Variants in SLC25A21 observed in about 807,000 individuals in gnomAD.
SLC25A21 encodes solute carrier family 25 member 21.
In SLC25A21, 47 loss-of-function variants were observed where a neutral mutation model predicts 43.8. The observed-to-expected ratio is 1.07, with a 90% CI of 0.85 to 1.37. The LOEUF (loss-of-function observed/expected upper bound fraction) is 1.37. Among genes scored for constraint, SLC25A21 ranks in the 40% most tolerant of loss-of-function variants. The pLI, the probability that SLC25A21 is intolerant of heterozygous loss-of-function variation, is 0.00. For missense variants in SLC25A21, 352 were observed against 350.2 expected (o/e 1.00, Z -0.04); for synonymous variants, 131 against 121.3 (o/e 1.08, Z -0.52).
At chr14:37,068,912 C>T (rs763472292) in intron 1 of SLC25A21, among the ~76,000 whole-genome samples, 2 of 152,142 alleles carry the variant, frequency 1.3e-5, no homozygotes, top group Non-Finnish European at 2.9e-5. Context: ...CGGTGGCTCA[C>T]GCCTGTAATC....
chr14:36,700,015 C>A (rs1216851714), intron 7 of SLC25A21, among the ~76,000 whole-genome samples: 1 of 152,128 alleles, frequency 6.6e-6, no homozygotes, highest in Non-Finnish European at 1.5e-5. Flanking sequence ...GCAGAAATCA[C>A]CCGTCTTCTG....
intron 1 of SLC25A21, among the ~76,000 whole-genome samples, chr14:37,134,092 A>T (rs944618819): frequency 1.3e-5 from 2 of 152,202 alleles, no homozygotes; most frequent in African/African-American, 4.8e-5. Context: ...AAAAGCTATA[A>T]ACTATGAAAA....
intron 3 of SLC25A21, among the ~76,000 whole-genome samples, chr14:36,734,964 C>G (rs965885837): frequency 2.0e-5 from 3 of 152,148 alleles, no homozygotes; most frequent in Non-Finnish European, 4.4e-5. Context: ...TACCTGAACC[C>G]ATTAGACTGT....
chr14:36,792,624 A>C (rs780501732), intron 3 of SLC25A21, among the ~76,000 whole-genome samples: 6 of 152,210 alleles, frequency 3.9e-5, no homozygotes, highest in Non-Finnish European at 5.9e-5. Flanking sequence ...GACTCCCTGA[A>C]AAATCTCAAA....
rs140134803 is a variant in SLC25A21 at position 36,903,346 on chromosome 14, G to A, written c.71-28342C>T. 3.2e-3 allele frequency among the ~76,000 whole-genome samples: 489 copies of A among 152,126 alleles called. 4 individuals carry two copies. The highest frequency in any genetic ancestry group is 0.011 in the African/African-American group (459 of 41,518). On this transcript the variant is annotated intron_variant, in intron 1 of 9. Coordinates refer to ENST00000331299, the MANE Select transcript of SLC25A21 (RefSeq NM_030631.4). ...ATGTGTTTTGTTCAGTTCACATAGT[G>A]TTCTTTTAAAAATAAATTGCTTTGG...
chr14:36,928,353 G>T (rs1413548948), intron 1 of SLC25A21, among the ~76,000 whole-genome samples: 3 of 152,010 alleles, frequency 2.0e-5, no homozygotes, highest in Admixed American at 6.6e-5. Flanking sequence ...AATAAAATGT[G>T]GTTAATTTGA....
intron 1 of SLC25A21, among the ~76,000 whole-genome samples, chr14:36,884,696 T>A (rs1337451666): frequency 6.6e-6 from 1 of 152,190 alleles, no homozygotes; most frequent in Non-Finnish European, 1.5e-5. Context: ...GATATCTCAT[T>A]GCGGTTTTAA....
rs191112848 is a variant in SLC25A21 at position 36,897,272 on chromosome 14, G to A, written c.71-22268C>T. 8.2e-3 allele frequency among the ~76,000 whole-genome samples: 1,246 copies of A among 151,842 alleles called. 16 individuals are homozygous for A. The highest frequency in any genetic ancestry group is 0.028 in the African/African-American group (1,152 of 41,382). ...CTTTTTTCTCTAAACTTCTCTTCTC[G>A]CTTCTTTTCATTCATTTCATCTTCC... On this transcript the variant is annotated intron_variant, in intron 1 of 9. Transcript: ENST00000331299.
chr14:37,126,561 T>C (rs1963301080), intron 1 of SLC25A21, among the ~76,000 whole-genome samples: 1 of 152,040 alleles, frequency 6.6e-6, no homozygotes, highest in African/African-American at 2.4e-5. Context: ...CAAGGAGTTA[T>C]GTATAGGTAT....
At chr14:36,881,552 G>A (rs986133684) in intron 1 of SLC25A21, among the ~76,000 whole-genome samples, 3 of 152,132 alleles carry the variant, frequency 2.0e-5, no homozygotes, top group East Asian at 1.9e-4. Flanking sequence ...TGCTTACAAC[G>A]TAAAGCAGAA....
chr14:36,793,631 C>G (rs1023689512), intron 3 of SLC25A21, among the ~76,000 whole-genome samples: 12 of 151,530 alleles, frequency 7.9e-5, no homozygotes, highest in African/African-American at 2.9e-4. Context: ...CATGATGAAC[C>G]CAAAGTTAAT....
chr14:36,829,878 T>C (rs977828649), intron 2 of SLC25A21, among the ~76,000 whole-genome samples: 5 of 152,112 alleles, frequency 3.3e-5, no homozygotes, highest in Non-Finnish European at 7.4e-5. Context: ...GGTAAAACTT[T>C]CCCTCTTTTC....
At chr14:37,166,073 G>A (rs1338315597) in intron 1 of SLC25A21, among the ~76,000 whole-genome samples, 1 of 152,138 alleles carries the variant, frequency 6.6e-6, no homozygotes, top group Non-Finnish European at 1.5e-5. Context: ...GTCTTTGTGA[G>A]AAACAGAAAA....
At chr14:36,981,153 A>AG (rs1960011243) in intron 1 of SLC25A21, among the ~76,000 whole-genome samples, 1 of 152,160 alleles carries the variant, frequency 6.6e-6, no homozygotes, top group African/African-American at 2.4e-5. Context: ...ATCTCACACC[A>AG]GTTAGAATGG....
intron 1 of SLC25A21, among the ~76,000 whole-genome samples, chr14:37,163,618 A>G (rs1299321025): frequency 1.3e-5 from 2 of 152,204 alleles, no homozygotes; most frequent in Non-Finnish European, 2.9e-5. Flanking sequence ...AACTGTAAAA[A>G]TACTGCACCT....
At chr14:36,772,399 T>A (rs1197713592) in intron 3 of SLC25A21, among the ~76,000 whole-genome samples, 4 of 152,240 alleles carry the variant, frequency 2.6e-5, no homozygotes, top group Non-Finnish European at 4.4e-5. Context: ...CCAAGAATGA[T>A]TTCTTTTGAA....
At chr14:36,710,030 A>T (rs1292736793) in intron 7 of SLC25A21, among the ~76,000 whole-genome samples, 1 of 152,140 alleles carries the variant, frequency 6.6e-6, no homozygotes, top group Non-Finnish European at 1.5e-5. Flanking sequence ...GACGTTGAAA[A>T]AGGCTGCTTG....
At chr14:37,034,711 C>A (rs1324279648) in intron 1 of SLC25A21, among the ~76,000 whole-genome samples, 3 of 152,348 alleles carry the variant, frequency 2.0e-5, no homozygotes, top group Non-Finnish European at 4.4e-5. Context: ...CCAGAGTACA[C>A]TCAACCATCT....
At chr14:36,991,815 ACGCTGAGGTAGAAGGATACC>A (rs140620508) in intron 1 of SLC25A21, among the ~76,000 whole-genome samples, 3,984 of 152,244 alleles carry the variant, frequency 0.026, 199 homozygotes, top group African/African-American at 0.091. Flanking sequence ...CAGGGCTGAT[ACGCTGAGGTAGAAGGATACC>A]CACTCAGGAT....
Sources: allele counts gnomAD v4.1 joint callset (sites outside exome capture counted in the v4.1 genomes callset), GRCh38; gene constraint gnomAD v4.1.1; transcripts MANE v1.5; gene names NCBI Gene and HGNC (gene_info 2026-07-23, HGNC 2026-07-21).